Variants in SLC25A26 observed in about 807,000 individuals in gnomAD.
SLC25A26 encodes the protein solute carrier family 25 member 26, also known as mitochondrial S-adenosylmethionine carrier protein.
SLC25A26 carries 36 observed loss-of-function variants against 37.8 expected under a neutral mutation model. That is an observed-to-expected ratio of 0.95 (90% CI 0.73 to 1.26). SLC25A26 has a LOEUF of 1.26. Ranked by LOEUF, SLC25A26 falls within the 50% of genes most tolerant of loss-of-function variation. The pLI, the probability that SLC25A26 is intolerant of heterozygous loss-of-function variation, is 0.00. For synonymous variants in SLC25A26, 129 were observed against 122.5 expected, an observed-to-expected ratio of 1.05 and a Z score of -0.35; for missense variants, 390 against 331.1, an observed-to-expected ratio of 1.18 and a Z score of -1.38.
chr3:66,224,752 G>A (rs1055335171), intron 1 of SLC25A26, among the ~76,000 whole-genome samples: 1 of 152,214 alleles, frequency 6.6e-6, no homozygotes, highest in Admixed American at 6.5e-5. Flanking sequence ...TTCTGCCTAT[G>A]AGCCTGTAAA....
intron 6 of SLC25A26, 106 bp from the exon 7 acceptor site, chr3:66,362,754 C>A: frequency 1.5e-6 from 1 of 648,488 alleles, no homozygotes; most frequent in South Asian, 2.5e-5. Flanking sequence ...AGAATGCCAC[C>A]AAAATAGCTT....
intron 5 of SLC25A26, among the ~76,000 whole-genome samples, chr3:66,279,343 A>G (rs535210501): frequency 7.2e-5 from 11 of 152,290 alleles, no homozygotes; most frequent in Non-Finnish European, 1.3e-4. Flanking sequence ...GCCGCATAGC[A>G]TAGTGGTTCA....
intron 5 of SLC25A26, among the ~76,000 whole-genome samples, chr3:66,277,851 G>C (rs530459439): frequency 6.6e-6 from 1 of 152,044 alleles, no homozygotes; most frequent in African/African-American, 2.4e-5. Context: ...TCTTGCCAAA[G>C]ATGCATAATC....
At chr3:66,190,680 C>T (rs1013589182) in intron 1 of SLC25A26, among the ~76,000 whole-genome samples, 22,511 of 152,242 alleles carry the variant, frequency 0.15, 2,232 homozygotes, top group African/African-American at 0.27. Context: ...TGACCCGCCT[C>T]AGCCTCCCAA....
Position 66,377,736 on chromosome 3 carries a change from G to A in SLC25A26, c.754G>A (p.Gly252Ser), listed in dbSNP as rs775283463. ...FPRMAAISLGGFIFLGAYDRT... is the reference protein window; with the variant it reads ...FPRMAAISLGSFIFLGAYDRT... Reference sequence around the variant, plus strand: ...TCGAATGGCAGCCATCAGTCTGGGAGGTTTCATCTTTCTGGGGGCTTATGA... The same window carrying A: ...TCGAATGGCAGCCATCAGTCTGGGAAGTTTCATCTTTCTGGGGGCTTATGA... The change falls in exon 10 of 10, where the codon GGT becomes AGT. Residue 252 changes from glycine (G) to serine (S), a missense_variant. Coordinates refer to ENST00000354883, the MANE Select transcript of SLC25A26 (RefSeq NM_001379210.1). 1.9e-6 allele frequency: 3 copies of A among 1,613,802 alleles called. No homozygotes were observed. Among genetic ancestry groups the A allele is most frequent in the Admixed American group, 1.7e-5 (1 of 60,004 alleles).
chr3:66,217,547 A>G (rs1273427634), upstream of SLC25A26, among the ~76,000 whole-genome samples: 10 of 151,464 alleles, frequency 6.6e-5, no homozygotes, highest in African/African-American at 2.2e-4. Context: ...TATAATTTAC[A>G]TATACTTTTT....
At chr3:66,304,714 A>G (rs1278561241) in intron 5 of SLC25A26, among the ~76,000 whole-genome samples, 4 of 152,146 alleles carry the variant, frequency 2.6e-5, no homozygotes, top group Non-Finnish European at 4.4e-5. Flanking sequence ...CTCTCTGTAC[A>G]TGGGACTGAT....
chr3:66,370,777 A>G (rs780070515), intron 9 of SLC25A26, among the ~76,000 whole-genome samples, 175 bp downstream of exon 9: 1 of 152,202 alleles, frequency 6.6e-6, no homozygotes, highest in Admixed American at 6.5e-5. Flanking sequence ...AGCAAATCAA[A>G]TTGACGGATT....
At chr3:66,244,453 A>G (rs575315214) in intron 3 of SLC25A26, among the ~76,000 whole-genome samples, 3 of 152,348 alleles carry the variant, frequency 2.0e-5, no homozygotes, top group East Asian at 1.9e-4. Flanking sequence ...GAACAACACA[A>G]TGACAAGATT....
At chr3:66,165,398 C>G (rs1434735596) in intron 1 of SLC25A26, among the ~76,000 whole-genome samples, 1 of 152,092 alleles carries the variant, frequency 6.6e-6, no homozygotes, top group East Asian at 1.9e-4. Context: ...ACATTAAGCT[C>G]CTTAGTTTTA....
chr3:66,263,815 C>T (rs1191162385), intron 5 of SLC25A26, among the ~76,000 whole-genome samples: 1 of 152,092 alleles, frequency 6.6e-6, no homozygotes, highest in East Asian at 1.9e-4. Flanking sequence ...CCCACCAGCA[C>T]GCCCAGTTGA....
Position 66,243,442 on chromosome 3 carries a change from A to G in SLC25A26, c.300+130A>G, listed in dbSNP as rs2072681666. 5 of 535,674 alleles carry G rather than the reference A, an allele frequency of 9.3e-6. No homozygotes were observed. The East Asian group carries it at 1.2e-4, about 13-fold the overall frequency. 33.2% of individuals were successfully genotyped at this position (535,674 alleles called of 1,614,324 possible). A position where few individuals can be genotyped will look rare whatever the true frequency, so the allele number is the denominator to read the frequency against. On this transcript the variant is annotated intron_variant, in intron 3 of 9. Coordinates refer to ENST00000354883, the MANE Select transcript of SLC25A26 (RefSeq NM_001379210.1). ...AAGTCATAAATGGCAATAAATGTAA[A>G]TGGATTAAATATGACAGTTCGAAGA... is the stretch of plus-strand genomic sequence containing the variant.
At chr3:66,212,113 CTTATTG>C (rs2071291810) in intron 1 of SLC25A26, among the ~76,000 whole-genome samples, 1 of 152,106 alleles carries the variant, frequency 6.6e-6, no homozygotes, top group Non-Finnish European at 1.5e-5. Context: ...GATTGTCCTA[CTTATTG>C]TTATTATTTT....
At chr3:66,257,988 G>C (rs2073371871) in intron 3 of SLC25A26, among the ~76,000 whole-genome samples, 1 of 152,186 alleles carries the variant, frequency 6.6e-6, no homozygotes, top group Non-Finnish European at 1.5e-5. Context: ...AGGGTGCTTG[G>C]TTGCTTGCCA....
chr3:66,157,095 T>C (rs1195934616), intron 1 of SLC25A26, among the ~76,000 whole-genome samples: 2 of 151,884 alleles, frequency 1.3e-5, no homozygotes, highest in African/African-American at 4.8e-5. Context: ...ATTAGCCAAG[T>C]GTGGTGGCAT....
chr3:66,340,054 G>A (rs926486214), intron 5 of SLC25A26, among the ~76,000 whole-genome samples: 7 of 151,930 alleles, frequency 4.6e-5, no homozygotes, highest in Non-Finnish European at 8.8e-5. Flanking sequence ...AAGGGTCCAG[G>A]CTCATTCTTT....
intron 5 of SLC25A26, among the ~76,000 whole-genome samples, chr3:66,339,249 T>C (rs1452595996): frequency 6.6e-6 from 1 of 152,080 alleles, no homozygotes; most frequent in Non-Finnish European, 1.5e-5. Context: ...TCAAGTCTTG[T>C]GCACATTTTA....
In SLC25A26 at chr3:66,371,425, C is replaced by T. The variant is rs1231579430; in HGVS notation, c.707+823C>T. On this transcript the variant is annotated intron_variant, in intron 9 of 9. Coordinates refer to ENST00000354883, the MANE Select transcript of SLC25A26 (RefSeq NM_001379210.1). ...AGGACATGAAGTAGGTGAGTCAGGA[C>T]CCAGTTAAGGTTTTTATAGGAGAGC... is the stretch of plus-strand genomic sequence containing the variant. The T allele has an allele frequency of 1.3e-5, 19 of 1,448,276 alleles. No homozygotes were observed. The South Asian group carries it at 2.4e-4, about 18-fold the overall frequency. 89.7% of individuals were successfully genotyped at this position (1,448,276 alleles called of 1,614,324 possible).
rs533810446 is a variant in SLC25A26 at position 66,369,194 on chromosome 3, C to T, written c.569-284C>T. 3.3e-5 allele frequency among the ~76,000 whole-genome samples: 5 copies of T among 152,270 alleles called. No individual in the cohort carries two copies. The East Asian group carries it at 9.6e-4, about 29-fold the overall frequency. On this transcript the variant is annotated intron_variant, in intron 7 of 9. Transcript: ENST00000354883. ...TGTACACATTCATCATGTATGTAAA[C>T]ATACACACTCATTAGTTTGCTAGTT...
Sources: allele counts gnomAD v4.1 joint callset (sites outside exome capture counted in the v4.1 genomes callset), GRCh38; gene constraint gnomAD v4.1.1; transcripts MANE v1.5; gene names NCBI Gene and HGNC (gene_info 2026-07-23, HGNC 2026-07-21).